Variants in NDUFAF2 observed in about 807,000 individuals in gnomAD.
NDUFAF2 encodes NADH:ubiquinone oxidoreductase complex assembly factor 2.
NDUFAF2 carries 13 observed loss-of-function variants against 22.8 expected under a neutral mutation model. That is an observed-to-expected ratio of 0.57 (90% CI 0.37 to 0.91). NDUFAF2 has a LOEUF of 0.91. Ranked by LOEUF, NDUFAF2 falls within the 40% of genes least tolerant of loss-of-function variation. The pLI is 0.01. For synonymous variants in NDUFAF2, 53 were observed against 64.2 expected (o/e 0.83, Z 0.84); for missense variants, 162 against 195.2 (o/e 0.83, Z 1.01).
intron 3 of NDUFAF2, among the ~76,000 whole-genome samples, chr5:61,128,916 T>A: frequency 6.6e-6 from 1 of 152,110 alleles, no homozygotes; most frequent in Non-Finnish European, 1.5e-5. Context: ...AAAGGGCTAG[T>A]ATCCAGAATG....
intron 1 of NDUFAF2, among the ~76,000 whole-genome samples, chr5:61,030,740 TTC>T (rs1209890361): frequency 6.6e-6 from 1 of 152,144 alleles, no homozygotes; most frequent in African/African-American, 2.4e-5. Context: ...TGGTTTCCTC[TTC>T]TTTCTTCTTT....
chr5:61,104,584 C>T (rs368732111), intron 3 of NDUFAF2, among the ~76,000 whole-genome samples: 72 of 152,148 alleles, frequency 4.7e-4, no homozygotes, highest in African/African-American at 1.7e-3. Flanking sequence ...TAGGACAACA[C>T]ATCATAGTAT....
chr5:61,119,678 GCAGTTTTATGC>G (rs1752953515), intron 3 of NDUFAF2, among the ~76,000 whole-genome samples: 2 of 152,064 alleles, frequency 1.3e-5, no homozygotes. Context: ...TCCCTGTTGG[GCAGTTTTATGC>G]CAGTCATTTG....
At chr5:60,999,321 C>A (rs1751266896) in intron 1 of NDUFAF2, among the ~76,000 whole-genome samples, 1 of 152,038 alleles carries the variant, frequency 6.6e-6, no homozygotes, top group Non-Finnish European at 1.5e-5. Context: ...ACCCAATCAT[C>A]TATCAATGGA....
At chr5:61,027,966 T>C (rs942508245) in intron 1 of NDUFAF2, among the ~76,000 whole-genome samples, 1 of 151,998 alleles carries the variant, frequency 6.6e-6, no homozygotes, top group Non-Finnish European at 1.5e-5. Flanking sequence ...GATATGTTAA[T>C]AAACAACACA....
chr5:60,948,836 A>C (rs1203613020), intron 1 of NDUFAF2, among the ~76,000 whole-genome samples: 1 of 152,112 alleles, frequency 6.6e-6, no homozygotes, highest in African/African-American at 2.4e-5. Context: ...TGGCTGAGTC[A>C]ACTTGTTAGG....
At chr5:61,118,766 A>G (rs1027492906) in intron 3 of NDUFAF2, among the ~76,000 whole-genome samples, 43 of 152,214 alleles carry the variant, frequency 2.8e-4, no homozygotes, top group African/African-American at 8.9e-4. Flanking sequence ...AAAATGTGCA[A>G]AAAACGAAGA....
chr5:60,997,657 A>G (rs1233759704), intron 1 of NDUFAF2, among the ~76,000 whole-genome samples: 1 of 152,188 alleles, frequency 6.6e-6, no homozygotes, highest in Non-Finnish European at 1.5e-5. Context: ...ATAAAATTAT[A>G]TTTTTCCTTT....
intron 3 of NDUFAF2, among the ~76,000 whole-genome samples, chr5:61,108,334 C>G (rs1312221609): frequency 6.7e-6 from 1 of 149,540 alleles, no homozygotes; most frequent in African/African-American, 2.5e-5. Flanking sequence ...AAAAGTGTTC[C>G]TATTTCTCCA....
intron 1 of NDUFAF2, among the ~76,000 whole-genome samples, chr5:60,994,813 C>A (rs1751207581): frequency 6.6e-6 from 1 of 152,124 alleles, no homozygotes; most frequent in African/African-American, 2.4e-5. Context: ...CTCATTAAGG[C>A]CAGTAACTCT....
intron 1 of NDUFAF2, among the ~76,000 whole-genome samples, chr5:61,044,137 C>T (rs879922112): frequency 6.6e-6 from 1 of 151,638 alleles, no homozygotes; most frequent in Non-Finnish European, 1.5e-5. Flanking sequence ...TACCTGTTGG[C>T]CGTTTATAAG....
chr5:60,966,515 A>G (rs2928243), intron 1 of NDUFAF2, among the ~76,000 whole-genome samples: 22,579 of 152,082 alleles, frequency 0.15, 2,140 homozygotes, highest in South Asian at 0.28. Context: ...TCTTTAATCT[A>G]TTTCAAGTTG....
rs149729547 is a variant in NDUFAF2 at position 61,125,541 on chromosome 5, C to T, written c.258+26509C>T. Among the ~76,000 whole-genome samples, 219 of 152,042 alleles carry T rather than the reference C, an allele frequency of 1.4e-3. 1 individual carries two copies. Among genetic ancestry groups the T allele is most frequent in the African/African-American group, 5.1e-3 (211 of 41,520 alleles). Reference sequence around the variant, plus strand: ...AAAAGAATAATTTTTTCAAGTCCATCGAATTCAAGGTCCACATCAATAACT... The same window carrying T: ...AAAAGAATAATTTTTTCAAGTCCATTGAATTCAAGGTCCACATCAATAACT... On this transcript the variant is annotated intron_variant, in intron 3 of 3. Transcript: ENST00000296597.
rs78537299 is a variant in NDUFAF2, at chr5:61,103,403, C to T, written c.258+4371C>T. On this transcript the variant is annotated intron_variant, in intron 3 of 3. Transcript: ENST00000296597. The stretch of plus-strand genomic sequence containing the variant: ...GGTTGTTTTCCTCACCTTTTTTTCC[C>T]TCAACTTCTTAACTGATAGAGCTAA... 7.9e-3 allele frequency among the ~76,000 whole-genome samples: 1,192 copies of T among 151,662 alleles called. 15 individuals carry two copies. The highest frequency in any genetic ancestry group is 0.027 in the African/African-American group (1,117 of 41,378).
rs182465648 is a variant in NDUFAF2, at chr5:60,954,096, T to C, written c.127+8714T>C. On this transcript the variant is annotated intron_variant, in intron 1 of 3. Transcript: ENST00000296597. ...TGTTGGCTGTGTATTTTAGACAAAG[T>C]AGCTGGTAACTAGGACTAGTTCCAG... 3.9e-5 allele frequency among the ~76,000 whole-genome samples: 6 copies of C among 152,284 alleles called. No homozygotes were observed. The East Asian group carries it at 1.2e-3, about 29-fold the overall frequency.
chr5:61,089,521 G>A (rs925515401), intron 2 of NDUFAF2, among the ~76,000 whole-genome samples: 6 of 152,132 alleles, frequency 3.9e-5, no homozygotes, highest in African/African-American at 1.2e-4. Flanking sequence ...AAGTGGTCAC[G>A]TTGAGCATTT....
At chr5:61,128,038 C>G (rs950724906) in intron 3 of NDUFAF2, among the ~76,000 whole-genome samples, 1 of 152,070 alleles carries the variant, frequency 6.6e-6, no homozygotes, top group Non-Finnish European at 1.5e-5. Flanking sequence ...GAGTGAACTC[C>G]CATTCGCAAT....
chr5:61,032,580 C>CTATA (rs1190344848), intron 1 of NDUFAF2, among the ~76,000 whole-genome samples: 1 of 152,112 alleles, frequency 6.6e-6, no homozygotes, highest in Non-Finnish European at 1.5e-5. Context: ...TTCCATTGGT[C>CTATA]TATATATCTG....
Position 61,035,424 on chromosome 5 carries a change from G to GTTTTTTTTTTTT in NDUFAF2, c.128-37684_128-37673dup, listed in dbSNP as rs768889484. On this transcript the variant is annotated intron_variant, in intron 1 of 3. Transcript: ENST00000296597. ...GACAACTCTCTTTCTCTCTTGCTCT[G>GTTTTTTTTTTTT]TTTTTTTTTTTTTTTTTTTTTTTTT... is the stretch of plus-strand genomic sequence containing the variant. 7.9e-4 allele frequency among the ~76,000 whole-genome samples: 32 copies of GTTTTTTTTTTTT among 40,520 alleles called. 6 individuals are homozygous for GTTTTTTTTTTTT. Among genetic ancestry groups the GTTTTTTTTTTTT allele is most frequent in the African/African-American group, 2.8e-3 (28 of 9,986 alleles). 26.6% of individuals were successfully genotyped at this position (40,520 alleles called of 152,430 possible).
Sources: gnomAD v4.1 joint callset for allele counts (sites outside exome capture counted in the v4.1 genomes callset) on GRCh38, gnomAD v4.1.1 for gene constraint, MANE v1.5 for transcripts, NCBI Gene and HGNC (gene_info 2026-07-23, HGNC 2026-07-21) for gene names.